KIF3B: variants seen among roughly 807,000 people sequenced by gnomAD.
The protein encoded by KIF3B is kinesin family member 3B, also known as kinesin-like protein KIF3B.
KIF3B carries 38 observed loss-of-function variants against 74.3 expected under a neutral mutation model. The observed-to-expected ratio is 0.51, with a 90% CI of 0.39 to 0.67. The LOEUF is 0.67. Ranked by LOEUF, KIF3B falls within the 30% of genes least tolerant of loss-of-function variation. The pLI is 0.00. For synonymous variants in KIF3B, 326 were observed against 342.5 expected (o/e 0.95, Z 0.53); for missense variants, 649 against 932.0 (o/e 0.70, Z 3.95).
chr20:32,311,357 T>G (rs2047799687), intron 2 of KIF3B, among the ~76,000 whole-genome samples, 176 bp downstream of exon 2: 1 of 152,156 alleles, frequency 6.6e-6, no homozygotes, highest in Non-Finnish European at 1.5e-5. Flanking sequence ...TGAATATGAT[T>G]TTTTCACATT....
chr20:32,299,814 G>A (rs115741539), intron 1 of KIF3B, among the ~76,000 whole-genome samples: 2,538 of 151,910 alleles, frequency 0.017, 63 homozygotes, highest in African/African-American at 0.059. Context: ...TTTGGGACAG[G>A]GTCTTCCTCT....
intron 7 of KIF3B, among the ~76,000 whole-genome samples, chr20:32,328,499 G>A (rs1047808352): frequency 3.3e-5 from 5 of 152,018 alleles, no homozygotes; most frequent in East Asian, 1.9e-4. Context: ...CCAGCTACTC[G>A]GGAGGCTGAG....
chr20:32,279,793 C>T (rs1196204295), intron 1 of KIF3B, among the ~76,000 whole-genome samples: 1 of 152,186 alleles, frequency 6.6e-6, no homozygotes. Context: ...AAGAGGGCTT[C>T]TCTGTCCCTC....
At chr20:32,282,509 G>C (rs1600414056) in intron 1 of KIF3B, among the ~76,000 whole-genome samples, 2 of 152,152 alleles carry the variant, frequency 1.3e-5, no homozygotes, top group East Asian at 3.9e-4. Flanking sequence ...AAGCTAGCCA[G>C]GTGCAACTGA....
intron 1 of KIF3B, among the ~76,000 whole-genome samples, chr20:32,279,723 CA>C (rs1234303653): frequency 6.6e-6 from 1 of 152,184 alleles, no homozygotes; most frequent in Non-Finnish European, 1.5e-5. Context: ...CTTGGCCTCC[CA>C]AAGGACTGGG....
At chr20:32,308,726 CTTTT>C (rs72491023) in intron 1 of KIF3B, among the ~76,000 whole-genome samples, 2 of 130,518 alleles carry the variant, frequency 1.5e-5, no homozygotes, top group Admixed American at 7.8e-5. Context: ...TTTTATTTTA[CTTTT>C]TTTTTTTTTT....
chr20:32,316,317 C>G lies in KIF3B; in HGVS notation c.1504C>G (p.Gln502Glu), dbSNP rs2047827288. ...GCAGAAACGACAGGAAATTGCAGAG[C>G]AGGTAACTTTTCATTCTTTTTCAGG... is the stretch of plus-strand genomic sequence containing the variant. ...LEQKRQEIAE[Q>E]KRREREIQQQ... The change falls in exon 3 of 9, where the codon CAG becomes GAG. Residue 502 changes from glutamine to glutamate, a missense_variant and splice_region_variant. Physicochemically the swap from Gln to Glu is conservative, Grantham distance 29. This residue lies in a region of KIF3B where 363 missense variants were observed against 592.8 expected (regional missense o/e 0.61). Coordinates refer to ENST00000375712, the MANE Select transcript of KIF3B (RefSeq NM_004798.4). The G allele has an allele frequency of 6.2e-7, 1 of 1,607,616 alleles. No homozygotes were observed. Among genetic ancestry groups the G allele is most frequent in the Non-Finnish European group, 8.5e-7 (1 of 1,174,250 alleles).
chr20:32,285,893 T>C (rs2047665552), intron 1 of KIF3B, among the ~76,000 whole-genome samples: 1 of 152,178 alleles, frequency 6.6e-6, no homozygotes, highest in African/African-American at 2.4e-5. Context: ...GCTTGGGATG[T>C]TCATGTTTAA....
At chr20:32,327,170 G>A (rs906875819) in intron 6 of KIF3B, among the ~76,000 whole-genome samples, 5 of 152,098 alleles carry the variant, frequency 3.3e-5, no homozygotes, top group African/African-American at 1.2e-4. Flanking sequence ...AGTGAAGTAT[G>A]CTAGGTCACG....
chr20:32,315,788 C>G (rs548436920), intron 2 of KIF3B, among the ~76,000 whole-genome samples: 104 of 152,190 alleles, frequency 6.8e-4, no homozygotes, highest in Admixed American at 4.4e-3. Context: ...TTACTGTGTC[C>G]TTTCCTCATG....
chr20:32,282,852 T>G (rs2047650428), intron 1 of KIF3B, among the ~76,000 whole-genome samples: 1 of 152,216 alleles, frequency 6.6e-6, no homozygotes, highest in Non-Finnish European at 1.5e-5. Context: ...GAAAACCTAT[T>G]GTACTCTACC....
In KIF3B at chr20:32,332,472, C is replaced by G. The variant is rs1199112037; in HGVS notation, c.*1153C>G. 1.3e-5 allele frequency: 2 copies of G among 152,250 alleles called. No homozygotes were observed. Among genetic ancestry groups the G allele is most frequent in the Non-Finnish European group, 2.9e-5 (2 of 68,052 alleles). 9.4% of individuals were successfully genotyped at this position (152,250 alleles called of 1,614,324 possible). On this transcript the variant is annotated 3_prime_UTR_variant, in exon 9 of 9. Coordinates refer to ENST00000375712, the MANE Select transcript of KIF3B (RefSeq NM_004798.4). Reference sequence around the variant, plus strand: ...TCCTAGAACTGTGGCTCCCTCCAGGCAGAGCCTAAGATGCTGGTGAAGAAT... The same window carrying G: ...TCCTAGAACTGTGGCTCCCTCCAGGGAGAGCCTAAGATGCTGGTGAAGAAT...
intron 1 of KIF3B, among the ~76,000 whole-genome samples, chr20:32,307,518 T>C (rs929993909): frequency 6.6e-6 from 1 of 152,126 alleles, no homozygotes; most frequent in Non-Finnish European, 1.5e-5. Flanking sequence ...AAAATCTGTA[T>C]CTCTAGGATA....
chr20:32,314,626 G>T (rs1016769661), intron 2 of KIF3B, among the ~76,000 whole-genome samples: 3 of 152,156 alleles, frequency 2.0e-5, no homozygotes, highest in African/African-American at 4.8e-5. Flanking sequence ...CTTCATTCGA[G>T]AGGTGAGGAA....
intron 2 of KIF3B, among the ~76,000 whole-genome samples, chr20:32,314,999 C>T (rs1160053343): frequency 1.3e-5 from 2 of 152,146 alleles, no homozygotes; most frequent in Non-Finnish European, 1.5e-5. Flanking sequence ...TACAGCCAGG[C>T]CGTCCCAAAG....
intron 1 of KIF3B, among the ~76,000 whole-genome samples, chr20:32,304,680 G>A (rs2122683440): frequency 6.6e-6 from 1 of 152,258 alleles, no homozygotes; most frequent in Middle Eastern, 3.4e-3. Flanking sequence ...ATATGTTTGT[G>A]TAAAAAGGGA....
intron 1 of KIF3B, among the ~76,000 whole-genome samples, chr20:32,303,857 C>CA (rs33920293): frequency 0.018 from 2,212 of 120,308 alleles, 43 homozygotes; most frequent in African/African-American, 0.052. Flanking sequence ...CTCAGTCTCA[C>CA]AAAAAAAAAA....
intron 1 of KIF3B, among the ~76,000 whole-genome samples, chr20:32,279,769 G>A (rs1174344578): frequency 6.6e-6 from 1 of 152,172 alleles, no homozygotes; most frequent in Non-Finnish European, 1.5e-5. Flanking sequence ...CAGCCTGAGA[G>A]CTGGAATCTT....
chr20:32,280,137 G>A (rs1253181771), intron 1 of KIF3B, among the ~76,000 whole-genome samples: 2 of 152,182 alleles, frequency 1.3e-5, no homozygotes, highest in African/African-American at 4.8e-5. Flanking sequence ...TTATTATCAT[G>A]TATGGCTGTT....
Sources: gnomAD v4.1 joint callset for allele counts (sites outside exome capture counted in the v4.1 genomes callset) on GRCh38, gnomAD v4.1.1 for gene constraint, gnomAD v4.1.1 regional missense constraint, MANE v1.5 for transcripts, NCBI Gene and HGNC (gene_info 2026-07-23, HGNC 2026-07-21) for gene names.